SYNPO2: variants seen among roughly 807,000 people sequenced by gnomAD.
The protein encoded by SYNPO2 is synaptopodin 2.
A neutral mutation model predicts 85.0 loss-of-function variants in SYNPO2; 56 were observed. That is an observed-to-expected ratio of 0.66 (90% CI 0.53 to 0.82). SYNPO2 has a LOEUF of 0.82. SYNPO2 is among the 40% of genes least tolerant of loss of function. The pLI, the probability that SYNPO2 is intolerant of heterozygous loss-of-function variation, is 0.00. For synonymous variants in SYNPO2, 602 were observed against 591.1 expected, an observed-to-expected ratio of 1.02 and a Z score of -0.27; for missense variants, 1,575 against 1,534.2, an observed-to-expected ratio of 1.03 and a Z score of -0.44.
intron 1 of SYNPO2, among the ~76,000 whole-genome samples, chr4:118,899,047 T>TAAA (rs1732638083): frequency 6.6e-6 from 1 of 152,218 alleles, no homozygotes; most frequent in African/African-American, 2.4e-5. Flanking sequence ...TCTTCCATGT[T>TAAA]GCTGTGATCA....
intron 1 of SYNPO2, among the ~76,000 whole-genome samples, chr4:118,957,578 A>T (rs1384805156): frequency 6.6e-6 from 1 of 152,178 alleles, no homozygotes; most frequent in Non-Finnish European, 1.5e-5. Flanking sequence ...GGATACACTA[A>T]ATACATGGTA....
At chr4:119,010,929 T>C (rs557352106) in intron 1 of SYNPO2, among the ~76,000 whole-genome samples, 1 of 152,320 alleles carries the variant, frequency 6.6e-6, no homozygotes, top group African/African-American at 2.4e-5. Context: ...TAGCTGAGGG[T>C]TCTTGCCTGC....
chr4:118,966,023 C>A (rs1269712307), intron 1 of SYNPO2, among the ~76,000 whole-genome samples: 1 of 152,048 alleles, frequency 6.6e-6, no homozygotes, highest in Non-Finnish European at 1.5e-5. Flanking sequence ...CCACTGCACT[C>A]CAGCCTGGGT....
At chr4:118,907,740 T>C (rs1050682185) in intron 1 of SYNPO2, among the ~76,000 whole-genome samples, 20 of 152,090 alleles carry the variant, frequency 1.3e-4, no homozygotes, top group African/African-American at 4.1e-4. Flanking sequence ...TAAAAGTAAT[T>C]CAAACATTAC....
chr4:118,887,178 T>A (rs866004920), upstream of SYNPO2, among the ~76,000 whole-genome samples: 25 of 140,826 alleles, frequency 1.8e-4, no homozygotes, highest in Admixed American at 2.9e-4. Context: ...TGTGTGTGTG[T>A]GTGTGTGTGT....
rs1279621691 is a variant in SYNPO2, at chr4:118,993,008, ATCT to A, written c.106-30417_106-30415del. Among the ~76,000 whole-genome samples, 11 of 152,330 alleles carry A rather than the reference ATCT, an allele frequency of 7.2e-5. No individual in the cohort carries two copies. The South Asian group carries it at 1.9e-3, about 26-fold the overall frequency. ...TGGGTGGTTGGGCAAAGCTAGATTC[ATCT>A]TCTTAAGAAAACTACTCAAACCAAG... is the stretch of plus-strand genomic sequence containing the variant. On this transcript the variant is annotated intron_variant, in intron 1 of 4. Transcript: ENST00000307142.
At chr4:118,956,751 A>C (rs1049833843) in intron 1 of SYNPO2, among the ~76,000 whole-genome samples, 16 of 152,286 alleles carry the variant, frequency 1.1e-4, no homozygotes, top group African/African-American at 3.6e-4. Flanking sequence ...AGAGGCAAAA[A>C]GGTGACATGG....
At chr4:118,944,318 A>T (rs972480066) in intron 1 of SYNPO2, among the ~76,000 whole-genome samples, 5 of 152,172 alleles carry the variant, frequency 3.3e-5, no homozygotes, top group Non-Finnish European at 7.4e-5. Context: ...CTAAAATTGA[A>T]ACTCATACTT....
At chr4:118,863,702 C>T (rs1436475215) in intron 1 of SYNPO2, among the ~76,000 whole-genome samples, 1 of 152,158 alleles carries the variant, frequency 6.6e-6, no homozygotes, top group African/African-American at 2.4e-5. Flanking sequence ...ACCTCCACCT[C>T]CCAGGTTCAA....
At chr4:118,957,971 C>A (rs1205931568) in intron 1 of SYNPO2, among the ~76,000 whole-genome samples, 1 of 152,132 alleles carries the variant, frequency 6.6e-6, no homozygotes, top group Non-Finnish European at 1.5e-5. Flanking sequence ...CCAAAATCCC[C>A]CTCCACTTAT....
intron 1 of SYNPO2, among the ~76,000 whole-genome samples, chr4:118,986,574 C>T (rs891958320): frequency 2.6e-5 from 4 of 152,130 alleles, no homozygotes; most frequent in African/African-American, 4.8e-5. Flanking sequence ...TGGCCCATCC[C>T]AAGTTTGAGA....
At chr4:118,980,068 G>GT (rs1327847497) in intron 1 of SYNPO2, among the ~76,000 whole-genome samples, 1 of 152,162 alleles carries the variant, frequency 6.6e-6, no homozygotes, top group Non-Finnish European at 1.5e-5. Context: ...AGTATATGCG[G>GT]TTTTTAAGCT....
intron 3 of SYNPO2, among the ~76,000 whole-genome samples, chr4:119,029,077 G>A (rs1342020511): frequency 6.6e-6 from 1 of 151,866 alleles, no homozygotes; most frequent in Non-Finnish European, 1.5e-5. Flanking sequence ...GTTTATTCTT[G>A]CTGCAAGGAA....
At chr4:118,861,744 G>T (rs1731615346) in intron 1 of SYNPO2, among the ~76,000 whole-genome samples, 2 of 152,076 alleles carry the variant, frequency 1.3e-5, no homozygotes, top group South Asian at 4.1e-4. Flanking sequence ...GATTACTACA[G>T]CTCTGTAGTG....
At chr4:119,034,917 G>C in intron 4 of SYNPO2, 1 of 985,478 alleles carries the variant, frequency 1.0e-6, no homozygotes, top group Non-Finnish European at 1.2e-6. Context: ...AGCTTGATTG[G>C]TTGGTCCGCT....
intron 1 of SYNPO2, among the ~76,000 whole-genome samples, chr4:118,989,676 A>T (rs1440110684): frequency 6.6e-6 from 1 of 152,266 alleles, no homozygotes; most frequent in African/African-American, 2.4e-5. Flanking sequence ...TTGATTCATC[A>T]TGATAGAAAT....
intron 1 of SYNPO2, among the ~76,000 whole-genome samples, chr4:118,860,236 AC>A (rs889900497): frequency 7.0e-6 from 1 of 142,792 alleles, no homozygotes; most frequent in African/African-American, 2.6e-5. Flanking sequence ...TTTGTGCACA[AC>A]CCCCCCGCCA....
intron 1 of SYNPO2, among the ~76,000 whole-genome samples, chr4:118,883,536 T>G (rs1417203880): frequency 6.6e-6 from 1 of 152,238 alleles, no homozygotes; most frequent in Non-Finnish European, 1.5e-5. Flanking sequence ...GAATGGGTAT[T>G]ATTTGTTAAA....
At position 119,030,325 on chromosome 4, in the gene SYNPO2, C is replaced by T. The variant is rs780744499; in HGVS notation, c.1550C>T (p.Thr517Met). The T allele has an allele frequency of 1.2e-6, 2 of 1,613,966 alleles. No homozygotes were observed. Among genetic ancestry groups the T allele is most frequent in the Non-Finnish European group, 1.7e-6 (2 of 1,179,984 alleles). Residue 517 changes from threonine (T) to methionine (M), a missense_variant, in exon 4 of 5, where the codon ACG becomes ATG. This residue lies in a region of SYNPO2 where 1,508 missense variants were observed against 1,446.8 expected (regional missense o/e 1.04). Coordinates refer to ENST00000307142, the MANE Select transcript of SYNPO2 (RefSeq NM_133477.3). ...AAAGAAGAGGACAAGGTAGGTGGAA[C>T]GCCAAGCAGAGAACAAGATGCTGCC... is the stretch of plus-strand genomic sequence containing the variant. ...AQKEEDKVGG[T>M]PSREQDAAQT...
Sources: allele counts gnomAD v4.1 joint callset (sites outside exome capture counted in the v4.1 genomes callset), GRCh38; gene constraint gnomAD v4.1.1; regional missense constraint gnomAD v4.1.1; transcripts MANE v1.5; gene names NCBI Gene and HGNC (gene_info 2026-07-23, HGNC 2026-07-21).